Variants in RFTN2 observed in about 807,000 individuals in gnomAD.
The protein encoded by RFTN2 is raftlin family member 2.
RFTN2 carries 34 observed loss-of-function variants against 52.7 expected under a neutral mutation model. The ratio of observed to expected loss-of-function variants is 0.64; its 90% CI spans 0.49 to 0.86. RFTN2 has a LOEUF of 0.86. RFTN2 is among the 40% of genes least tolerant of loss of function. The probability of loss-of-function intolerance (pLI) is 0.00; values close to 1 mark genes in which losing one functional copy is unlikely to be tolerated. For missense variants in RFTN2, 536 were observed against 600.1 expected, an observed-to-expected ratio of 0.89 and a Z score of 1.12; for synonymous variants, 203 against 217.7, an observed-to-expected ratio of 0.93 and a Z score of 0.59.
rs752891507 is a variant in RFTN2, at chr2:197,617,800, C to T, written c.1050G>A (p.Glu350=). 6.5e-7 allele frequency: 1 copy of T among 1,547,640 alleles called. No homozygotes were observed. The highest frequency in any genetic ancestry group is 8.8e-7 in the Non-Finnish European group (1 of 1,142,496). Residue 350 remains glutamate (E), a splice_region_variant and synonymous_variant, in exon 6 of 9, where the codon GAG becomes GAA. Transcript: ENST00000295049. ...AIVVEQWTVI[E]GCEIKTDYGP... is the part of the protein sequence containing the mutation. ...AAATTGTCAGAAAACTGCAGCTCACCTCAATAACAGTCCATTGTTCTACTA... is the reference window on the plus strand; with the variant it reads ...AAATTGTCAGAAAACTGCAGCTCACTTCAATAACAGTCCATTGTTCTACTA...
At chr2:197,619,912 A>G (rs2106217064) in intron 5 of RFTN2, among the ~76,000 whole-genome samples, 1 of 150,052 alleles carries the variant, frequency 6.7e-6, no homozygotes, top group East Asian at 1.9e-4. Flanking sequence ...AACTATACAT[A>G]TAAAAACTAC....
chr2:197,624,395 G>C lies in RFTN2; in HGVS notation c.929-6474C>G, dbSNP rs544019556. Among the ~76,000 whole-genome samples, 594 of 149,446 alleles carry C rather than the reference G, an allele frequency of 4.0e-3. 7 individuals carry two copies. The highest frequency in any genetic ancestry group is 0.037 in the South Asian group (170 of 4,638). ...TGGGCGGATCACAAGGTCGGGAGAT[G>C]GAGACCATCCTGGCTAACACGGTGA... On this transcript the variant is annotated intron_variant, in intron 5 of 8. Transcript: ENST00000295049.
chr2:197,648,285 A>C (rs16866980), intron 1 of RFTN2, among the ~76,000 whole-genome samples: 28,447 of 152,210 alleles, frequency 0.19, 2,781 homozygotes, highest in Middle Eastern at 0.27. Flanking sequence ...CAGAAAAGTT[A>C]TATAAACCAG....
intron 8 of RFTN2, among the ~76,000 whole-genome samples, chr2:197,590,676 G>C (rs1170649105): frequency 2.6e-5 from 4 of 152,174 alleles, no homozygotes; most frequent in Non-Finnish European, 5.9e-5. Context: ...TGTGTTCGGA[G>C]TTTCTTCCTT....
Position 197,617,944 on chromosome 2 carries a change from A to T in RFTN2, c.929-23T>A, listed in dbSNP as rs765321286. 26 of 1,576,198 alleles carry T rather than the reference A, an allele frequency of 1.6e-5. No homozygotes were observed. The Admixed American group carries it at 2.7e-4, about 16-fold the overall frequency. On this transcript the variant is annotated intron_variant, in intron 5 of 8. Transcript: ENST00000295049. ...CCCCTGTGAGGAAGAGGGTACAATT[A>T]AGAAGGGTTGTAAATACTAAGTGGC...
intron 3 of RFTN2, among the ~76,000 whole-genome samples, chr2:197,637,638 T>C (rs929278594): frequency 6.6e-6 from 1 of 152,184 alleles, no homozygotes; most frequent in Non-Finnish European, 1.5e-5. Flanking sequence ...TCTTTTTCTT[T>C]ATTAGTCTTG....
chr2:197,646,082 A>T (rs2088743724), intron 2 of RFTN2, among the ~76,000 whole-genome samples: 1 of 152,196 alleles, frequency 6.6e-6, no homozygotes, highest in Non-Finnish European at 1.5e-5. Context: ...TATTAATAAA[A>T]CAATGTAGGA....
intron 8 of RFTN2, among the ~76,000 whole-genome samples, chr2:197,593,460 A>G (rs2087748488): frequency 6.6e-6 from 1 of 152,146 alleles, no homozygotes; most frequent in Non-Finnish European, 1.5e-5. Flanking sequence ...AGTAAAAGAG[A>G]CTGTGAGGTA....
At chr2:197,666,721 C>T (rs1357696828) in intron 1 of RFTN2, among the ~76,000 whole-genome samples, 1 of 152,196 alleles carries the variant, frequency 6.6e-6, no homozygotes, top group Non-Finnish European at 1.5e-5. Flanking sequence ...AATAGGTCTT[C>T]TAACCCTTTC....
Position 197,617,037 on chromosome 2 carries a change from T to A in RFTN2, c.1050+763A>T, listed in dbSNP as rs544217646. On this transcript the variant is annotated intron_variant, in intron 6 of 8. Coordinates refer to ENST00000295049, the MANE Select transcript of RFTN2 (RefSeq NM_144629.3). ...ACAACATCAGCAGCAATGTCATCTC[T>A]GTTTGTGAAGGACAATGCTGTGTGT... Among the ~76,000 whole-genome samples, 6 of 152,314 alleles carry A rather than the reference T, an allele frequency of 3.9e-5. No homozygotes were observed. In the East Asian group the frequency reaches 7.7e-4, roughly 20 times the overall value.
At chr2:197,612,982 T>A (rs2088088096) in intron 7 of RFTN2, among the ~76,000 whole-genome samples, 1 of 152,212 alleles carries the variant, frequency 6.6e-6, no homozygotes, top group Non-Finnish European at 1.5e-5. Context: ...GTTTTCGACA[T>A]GTGGGCCGCA....
chr2:197,658,452 G>GTT (rs10596113), intron 1 of RFTN2, among the ~76,000 whole-genome samples: 1 of 146,172 alleles, frequency 6.8e-6, no homozygotes, highest in East Asian at 2.0e-4. Context: ...TTGTATTATT[G>GTT]TTTTTTTTTT....
chr2:197,572,417 G>A (rs984388092), intron 8 of RFTN2, 137 bp from the exon 9 acceptor site: 31 of 769,494 alleles, frequency 4.0e-5, no homozygotes, highest in Non-Finnish European at 4.1e-5. Context: ...CATCTTCAAC[G>A]ACCAGCTCAG....
At chr2:197,645,326 A>G (rs1393118911) in intron 2 of RFTN2, among the ~76,000 whole-genome samples, 1 of 152,242 alleles carries the variant, frequency 6.6e-6, no homozygotes, top group Non-Finnish European at 1.5e-5. Context: ...GCTATACCAT[A>G]TAGCCTAGGT....
chr2:197,637,882 G>A (rs1244146027), intron 3 of RFTN2, among the ~76,000 whole-genome samples: 20 of 151,992 alleles, frequency 1.3e-4, no homozygotes, highest in Middle Eastern at 3.4e-3. Context: ...ATTTAGTGCT[G>A]TAAATTTCCC....
chr2:197,590,759 C>T (rs113945058), intron 8 of RFTN2, among the ~76,000 whole-genome samples: 16 of 152,166 alleles, frequency 1.1e-4, no homozygotes, highest in East Asian at 9.7e-4. Flanking sequence ...CAGCTCTTAA[C>T]GTGGCGCGTC....
At chr2:197,633,657 C>T in intron 4 of RFTN2, 61 bp downstream of exon 4, 2 of 1,394,400 alleles carry the variant, frequency 1.4e-6, no homozygotes, top group African/African-American at 1.4e-5. Flanking sequence ...TAAAAAAAAC[C>T]TCAAAAACTT....
At chr2:197,653,621 C>G (rs2088853716) in intron 1 of RFTN2, among the ~76,000 whole-genome samples, 1 of 151,806 alleles carries the variant, frequency 6.6e-6, no homozygotes, top group African/African-American at 2.4e-5. Flanking sequence ...AGCAGACTGC[C>G]AGCAACTTCA....
chr2:197,601,361 C>G (rs962754573), intron 7 of RFTN2, among the ~76,000 whole-genome samples: 16 of 152,302 alleles, frequency 1.1e-4, no homozygotes, highest in African/African-American at 3.8e-4. Context: ...CTAATAAAAA[C>G]AACTTTGACT....
Sources: gnomAD v4.1 joint callset for allele counts (sites outside exome capture counted in the v4.1 genomes callset) on GRCh38, gnomAD v4.1.1 for gene constraint, MANE v1.5 for transcripts, NCBI Gene and HGNC (gene_info 2026-07-23, HGNC 2026-07-21) for gene names.